The following COLEC12 variants were observed in gnomAD, a reference collection of about 807,000 sequenced individuals.
The protein encoded by COLEC12 is collectin-12.
In COLEC12, 33 loss-of-function variants were observed where a neutral mutation model predicts 71.1. The ratio of observed to expected loss-of-function variants is 0.46; its 90% confidence interval spans 0.35 to 0.62. The LOEUF (loss-of-function observed/expected upper bound fraction) is 0.62, where lower values mean the gene tolerates loss of function less well. Among genes scored for constraint, COLEC12 ranks in the 20% least tolerant of loss-of-function variants. The probability of loss-of-function intolerance (pLI) is 0.00; values close to 1 mark genes in which losing one functional copy is unlikely to be tolerated. For missense variants in COLEC12, 765 were observed against 916.1 expected (o/e 0.84, Z 2.13); for synonymous variants, 350 against 353.0 (o/e 0.99, Z 0.10).
At chr18:388,039 A>T (rs1000738000) in intron 2 of COLEC12, among the ~76,000 whole-genome samples, 8 of 152,166 alleles carry the variant, frequency 5.3e-5, no homozygotes, top group African/African-American at 1.9e-4. Context: ...AGTTTACGGA[A>T]TTGGCTAGTA....
Position 331,715 on chromosome 18 carries a change from C to A in COLEC12, c.2016G>T (p.Glu672Asp). Residue 672 changes from glutamate to aspartate, a missense_variant, in exon 8 of 10, where the codon GAG becomes GAT. By Grantham distance (45) the Glu-to-Asp change is conservative (BLOSUM62 2). Transcript: ENST00000400256. Reference sequence around the variant, plus strand: ...CCAGCCACTTCCATTCATTTTCACGCTCTGAGTCTGTGAGGCCGATCCAGT... The same window carrying A: ...CCAGCCACTTCCATTCATTTTCACGATCTGAGTCTGTGAGGCCGATCCAGT... ...ESHWIGLTDS[E>D]RENEWKWLDG... 6.2e-7 allele frequency: 1 copy of A among 1,614,124 alleles called. No homozygotes were observed. Among genetic ancestry groups the A allele is most frequent in the Non-Finnish European group, 8.5e-7 (1 of 1,179,948 alleles).
chr18:389,774 G>T (rs1598348334), intron 2 of COLEC12, among the ~76,000 whole-genome samples: 1 of 152,090 alleles, frequency 6.6e-6, no homozygotes, highest in East Asian at 1.9e-4. Context: ...AGAGAATCAG[G>T]CTTACTCGGT....
chr18:441,203 G>A (rs1385618242), intron 2 of COLEC12, among the ~76,000 whole-genome samples: 1 of 149,534 alleles, frequency 6.7e-6, no homozygotes, highest in Admixed American at 6.7e-5. Context: ...AGCCGAGATT[G>A]TGCCACTGCA....
chr18:368,653 A>G (rs1267549144), intron 2 of COLEC12, among the ~76,000 whole-genome samples: 2 of 152,080 alleles, frequency 1.3e-5, no homozygotes, highest in Admixed American at 6.6e-5. Flanking sequence ...TCATGAGGTC[A>G]GGAGATCGAG....
intron 2 of COLEC12, among the ~76,000 whole-genome samples, chr18:424,608 T>G (rs533847680): frequency 2.0e-5 from 3 of 152,320 alleles, no homozygotes; most frequent in African/African-American, 7.2e-5. Flanking sequence ...TATTTTCTGG[T>G]GAATAGCTCA....
intron 2 of COLEC12, among the ~76,000 whole-genome samples, chr18:416,297 C>T (rs112622905): frequency 0.036 from 5,507 of 152,192 alleles, 331 homozygotes; most frequent in African/African-American, 0.12. Context: ...TAGTGAAGAA[C>T]TGATCCCACA....
At position 448,721 on chromosome 18, in the gene COLEC12, G is replaced by A. The variant is rs200506805; in HGVS notation, c.58+31986C>T. 3.3e-5 allele frequency among the ~76,000 whole-genome samples: 5 copies of A among 152,280 alleles called. No homozygotes were observed. The East Asian group carries it at 7.7e-4, about 23-fold the overall frequency. On this transcript the variant is annotated intron_variant, in intron 2 of 9. Coordinates refer to ENST00000400256, the MANE Select transcript of COLEC12 (RefSeq NM_130386.3). ...CATAAATTAGAGCAATTAAGTAAAT[G>A]AAAATGATCAAAAGGAATTTGTGGC...
Position 331,655 on chromosome 18 carries a change from T to G in COLEC12, c.2063+13A>C. 6.5e-7 allele frequency: 1 copy of G among 1,542,228 alleles called. No individual in the cohort carries two copies. Among genetic ancestry groups the G allele is most frequent in the African/African-American group, 1.4e-5 (1 of 73,578 alleles). ...GAGCCTGACCACCAATCTGGAAGCT[T>G]CTGAGTACTTACTTGTAGTCTGGAG... is the stretch of plus-strand genomic sequence containing the variant. On this transcript the variant is annotated intron_variant, in intron 8 of 9. Coordinates refer to ENST00000400256, the MANE Select transcript of COLEC12 (RefSeq NM_130386.3).
intron 2 of COLEC12, among the ~76,000 whole-genome samples, chr18:433,963 CAAAAA>C (rs11395419): frequency 7.7e-6 from 1 of 130,198 alleles, no homozygotes; most frequent in Non-Finnish European, 1.6e-5. Flanking sequence ...GACCCTGCCT[CAAAAA>C]AAAAAAAAAA....
intron 8 of COLEC12, among the ~76,000 whole-genome samples, chr18:328,137 G>C (rs904155244): frequency 1.3e-5 from 2 of 152,110 alleles, no homozygotes. Context: ...TAGGCTGTAG[G>C]TTTCTAGGAA....
chr18:320,209 A>G lies in COLEC12; in HGVS notation c.2210-145T>C, dbSNP rs192225440. 1.2e-3 allele frequency: 686 copies of G among 554,108 alleles called. 2 individuals carry two copies. In the African/African-American group the frequency reaches 0.013, roughly 10 times the overall value. 34.3% of individuals were successfully genotyped at this position (554,108 alleles called of 1,614,324 possible). On this transcript the variant is annotated intron_variant, in intron 9 of 9. Transcript: ENST00000400256. ...TGCTTATATTTTCAAAGAAATGTCT[A>G]GAAGATCTTATTTGGATGAAAAGAT...
intron 1 of COLEC12, among the ~76,000 whole-genome samples, chr18:494,906 T>C (rs1917682026): frequency 6.6e-6 from 1 of 152,192 alleles, no homozygotes; most frequent in South Asian, 2.1e-4. Flanking sequence ...AAAGGAGTCA[T>C]GTTTAATATA....
At chr18:495,964 G>C (rs2143797815) in intron 1 of COLEC12, among the ~76,000 whole-genome samples, 1 of 152,296 alleles carries the variant, frequency 6.6e-6, no homozygotes, top group South Asian at 2.1e-4. Context: ...CTCAATAAAT[G>C]TTAGCTATTA....
At chr18:488,852 G>A (rs1405694903) in intron 1 of COLEC12, among the ~76,000 whole-genome samples, 2 of 150,494 alleles carry the variant, frequency 1.3e-5, no homozygotes, top group South Asian at 2.1e-4. Flanking sequence ...CAGCCTAGGC[G>A]ACAGAGCAAG....
intron 2 of COLEC12, among the ~76,000 whole-genome samples, chr18:439,498 C>CTTTT (rs58885696): frequency 7.3e-4 from 107 of 146,120 alleles, no homozygotes; most frequent in African/African-American, 2.3e-3. Context: ...AGCAGAGATT[C>CTTTT]TTTTTTTTTT....
intron 2 of COLEC12, among the ~76,000 whole-genome samples, chr18:393,981 G>A (rs1915516537): frequency 6.6e-6 from 1 of 152,202 alleles, no homozygotes; most frequent in African/African-American, 2.4e-5. Flanking sequence ...CTTTGTGGAG[G>A]TGGTTGCTGG....
chr18:450,196 T>A (rs1453738846), intron 2 of COLEC12, among the ~76,000 whole-genome samples: 1 of 152,174 alleles, frequency 6.6e-6, no homozygotes, highest in African/African-American at 2.4e-5. Context: ...CCACACTCTT[T>A]TGGTTCTCCT....
intron 2 of COLEC12, among the ~76,000 whole-genome samples, chr18:445,824 G>A (rs1250000228): frequency 6.6e-6 from 1 of 151,934 alleles, no homozygotes; most frequent in African/African-American, 2.4e-5. Flanking sequence ...TAGAGAGGGG[G>A]TTTCACCATG....
At chr18:351,039 G>T (rs184415874) in intron 3 of COLEC12, among the ~76,000 whole-genome samples, 1 of 150,834 alleles carries the variant, frequency 6.6e-6, no homozygotes, top group Non-Finnish European at 1.5e-5. Flanking sequence ...CTAATTTATT[G>T]TATTCATCAC....
Sources: allele counts gnomAD v4.1 joint callset (sites outside exome capture counted in the v4.1 genomes callset), GRCh38; gene constraint gnomAD v4.1.1; transcripts MANE v1.5; gene names NCBI Gene and HGNC (gene_info 2026-07-23, HGNC 2026-07-21).